Variants in ADCY7 observed in about 807,000 individuals in gnomAD.
ADCY7 encodes the protein adenylate cyclase 7.
ADCY7 carries 72 observed loss-of-function variants against 120.6 expected under a neutral mutation model. That is an observed-to-expected ratio of 0.60 (90% CI 0.49 to 0.73). The LOEUF (loss-of-function observed/expected upper bound fraction) is 0.73, where lower values mean the gene tolerates loss of function less well. Ranked by LOEUF, ADCY7 falls within the 30% of genes least tolerant of loss-of-function variation. ADCY7 has a pLI of 0.00. For missense variants in ADCY7, 1,227 were observed against 1,486.0 expected (o/e 0.83, Z 2.87); for synonymous variants, 661 against 628.0 (o/e 1.05, Z -0.78).
intron 1 of ADCY7, among the ~76,000 whole-genome samples, chr16:50,268,382 G>A (rs2033349275): frequency 6.6e-6 from 1 of 151,954 alleles, no homozygotes; most frequent in African/African-American, 2.4e-5. Flanking sequence ...TGGGATTATA[G>A]GTGTGAGCCA....
At chr16:50,311,161 C>T (rs1434411809) in intron 19 of ADCY7, among the ~76,000 whole-genome samples, 1 of 152,178 alleles carries the variant, frequency 6.6e-6, no homozygotes, top group Non-Finnish European at 1.5e-5. Context: ...AAGGCCACAT[C>T]CTGGGTCTCG....
At chr16:50,281,515 C>T (rs1338597680) in intron 1 of ADCY7, among the ~76,000 whole-genome samples, 2 of 152,210 alleles carry the variant, frequency 1.3e-5, no homozygotes, top group East Asian at 3.9e-4. Flanking sequence ...CCACCCTGGG[C>T]CTGGTGCAGG....
Position 50,298,831 on chromosome 16 carries a change from G to A in ADCY7, c.949-73G>A, listed in dbSNP as rs369458783. On this transcript the variant is annotated intron_variant, in intron 7 of 25. Coordinates refer to ENST00000673801, the MANE Select transcript of ADCY7 (RefSeq NM_001114.5). ...GAGAGCCGGGTGCACCCTGGAGGGT[G>A]GGGGGAGGCGGCTGTCGTGAGAGGT... 107 of 1,546,844 alleles carry A rather than the reference G, an allele frequency of 6.9e-5. No individual in the cohort carries two copies. The East Asian group carries it at 1.5e-3, about 21-fold the overall frequency.
intron 1 of ADCY7, among the ~76,000 whole-genome samples, chr16:50,250,302 A>G (rs2032716514): frequency 6.6e-6 from 1 of 151,954 alleles, no homozygotes; most frequent in Non-Finnish European, 1.5e-5. Flanking sequence ...CTAAAAATAC[A>G]AAAAATTAGC....
chr16:50,312,983 G>T lies in ADCY7; in HGVS notation c.2698G>T (p.Glu900Ter), dbSNP rs754494617. ...VFYTECDVNKEGLECLRLLNE... is the reference protein window; with the variant it reads ...VFYTECDVNK ...CTACACAGAGTGCGATGTCAACAAA[G>T]AAGGGCTGGAGTGCCTACGCCTGCT... is the stretch of plus-strand genomic sequence containing the variant. Residue 900 changes from glutamate (E) to a stop codon, truncating the protein, a stop_gained, in exon 22 of 26, where the codon GAA becomes TAA. Transcript: ENST00000673801. LOFTEE classifies it high-confidence loss of function. 6.2e-6 allele frequency: 10 copies of T among 1,614,140 alleles called. No individual in the cohort carries two copies. Among genetic ancestry groups the T allele is most frequent in the Non-Finnish European group, 5.1e-6 (6 of 1,180,054 alleles).
At chr16:50,298,464 C>T (rs1006031570) in intron 7 of ADCY7, among the ~76,000 whole-genome samples, 2 of 152,210 alleles carry the variant, frequency 1.3e-5, no homozygotes, top group Non-Finnish European at 2.9e-5. Flanking sequence ...CCTTAGCCCC[C>T]ATCACAGCTG....
intron 1 of ADCY7, among the ~76,000 whole-genome samples, chr16:50,250,346 A>G (rs1370289069): frequency 6.6e-6 from 1 of 151,594 alleles, no homozygotes; most frequent in Admixed American, 6.6e-5. Context: ...AGTCCCAGCT[A>G]CTTGGGAGGC....
At chr16:50,293,320 T>C in intron 5 of ADCY7, 34 bp from the exon 6 acceptor site, 1 of 1,602,136 alleles carries the variant, frequency 6.2e-7, no homozygotes, top group South Asian at 1.1e-5. Context: ...GTCGCTTTGC[T>C]GGTCCCTCTG....
rs1426655705 is a variant in ADCY7 at position 50,298,956 on chromosome 16, C to T, written c.1001C>T (p.Ser334Leu). The change falls in exon 8 of 26, where the codon TCG becomes TTG. Residue 334 changes from serine to leucine, a missense_variant. Physicochemically the swap from Ser to Leu is moderately radical, Grantham distance 145. Coordinates refer to ENST00000673801, the MANE Select transcript of ADCY7 (RefSeq NM_001114.5). ...KILGDCYYCV[S>L]GLPVSLPTHA... ...CTCGGCGACTGCTACTACTGTGTAT[C>T]GGGCCTGCCCGTGTCGCTGCCTACC... The T allele has an allele frequency of 5.6e-6, 9 of 1,613,838 alleles. No homozygotes were observed. Among genetic ancestry groups the T allele is most frequent in the African/African-American group, 1.3e-5 (1 of 75,080 alleles).
chr16:50,298,874 C>T (rs375454902), intron 7 of ADCY7, 30 bp from the exon 8 acceptor site: 55 of 1,601,480 alleles, frequency 3.4e-5, no homozygotes, highest in Non-Finnish European at 4.3e-5. Flanking sequence ...CCACATCTTC[C>T]AGTGACCAGG....
At chr16:50,270,184 T>TAGATAGAG (rs146628872) in intron 1 of ADCY7, among the ~76,000 whole-genome samples, 1 of 145,028 alleles carries the variant, frequency 6.9e-6, no homozygotes, top group East Asian at 2.0e-4. Flanking sequence ...CTCAGATAGA[T>TAGATAGAG]AGATAGATAG....
At chr16:50,274,551 C>T (rs910200393) in intron 1 of ADCY7, among the ~76,000 whole-genome samples, 2 of 152,110 alleles carry the variant, frequency 1.3e-5, no homozygotes, top group African/African-American at 4.8e-5. Flanking sequence ...GCCCCCTAGG[C>T]CTGGATCGGG....
chr16:50,274,618 C>G (rs1403535109), intron 1 of ADCY7, among the ~76,000 whole-genome samples: 2 of 152,116 alleles, frequency 1.3e-5, no homozygotes, highest in African/African-American at 2.4e-5. Context: ...GGGCTGGGCA[C>G]TTTGCGAGCT....
chr16:50,311,813 C>T lies in ADCY7; in HGVS notation c.2448+27C>T, dbSNP rs768945103. On this transcript the variant is annotated intron_variant, in intron 20 of 25. Transcript: ENST00000673801. ...TAAGGAGGCTGGCCCCCCCCCCCCC[C>T]CCAAGCTCTGCCCACTTTTCCTCAC... 1.2e-4 allele frequency: 156 copies of T among 1,314,858 alleles called. 5 individuals carry two copies. In the East Asian group the frequency reaches 1.3e-3, roughly 11 times the overall value. The allele number at this position is 1,314,858 out of a possible 1,614,324, so 81.4% of individuals were successfully genotyped here.
intron 1 of ADCY7, among the ~76,000 whole-genome samples, chr16:50,254,256 C>T (rs1188838943): frequency 6.6e-6 from 1 of 152,202 alleles, no homozygotes; most frequent in Admixed American, 6.5e-5. Flanking sequence ...GCACCCCTGC[C>T]TCCGCTTCCG....
At chr16:50,257,347 GGTCA>G (rs1360678366) in intron 1 of ADCY7, among the ~76,000 whole-genome samples, 1 of 152,054 alleles carries the variant, frequency 6.6e-6, no homozygotes, top group Non-Finnish European at 1.5e-5. Flanking sequence ...GATAGAGAGA[GGTCA>G]GTCAAAGGAT....
upstream of ADCY7, among the ~76,000 whole-genome samples, chr16:50,262,011 C>T (rs1053863584): frequency 6.6e-6 from 1 of 152,186 alleles, no homozygotes; most frequent in Non-Finnish European, 1.5e-5. Flanking sequence ...TTCCTTCCCC[C>T]AGTAAGGGCT....
chr16:50,312,294 C>A, intron 21 of ADCY7, 103 bp downstream of exon 21: 1 of 1,369,344 alleles, frequency 7.3e-7, no homozygotes, highest in Non-Finnish European at 1.0e-6. Flanking sequence ...GCTTGGCTTC[C>A]TCAGGTCCTG....
chr16:50,266,653 G>T lies in ADCY7; in HGVS notation c.-296G>T. On this transcript the variant is annotated 5_prime_UTR_variant, in exon 1 of 26. Transcript: ENST00000673801. ...GGCCACCTCCCTGCAGACCCTGGCC[G>T]GCTGCTGGGGCCGGGGAGGAGAGCC... 1 of 153,178 alleles carries T rather than the reference G, an allele frequency of 6.5e-6. No homozygotes were observed. The highest frequency in any genetic ancestry group is 1.5e-5 in the Non-Finnish European group (1 of 68,518). 9.5% of individuals were successfully genotyped at this position (153,178 alleles called of 1,614,324 possible). A position where few individuals can be genotyped will look rare whatever the true frequency, so the allele number is the denominator to read the frequency against.
Sources: allele counts gnomAD v4.1 joint callset (sites outside exome capture counted in the v4.1 genomes callset), GRCh38; gene constraint gnomAD v4.1.1; transcripts MANE v1.5; gene names NCBI Gene and HGNC (gene_info 2026-07-23, HGNC 2026-07-21).